Variants in KCNIP4 observed in about 807,000 individuals in gnomAD.
KCNIP4 encodes the protein potassium voltage-gated channel interacting protein 4.
KCNIP4 carries 12 observed loss-of-function variants against 34.0 expected under a neutral mutation model. The ratio of observed to expected loss-of-function variants is 0.35; its 90% CI spans 0.23 to 0.57. The LOEUF is 0.57. Among genes scored for constraint, KCNIP4 ranks in the 20% least tolerant of loss-of-function variants. KCNIP4 has a pLI of 0.83. For synonymous variants in KCNIP4, 124 were observed against 102.2 expected (o/e 1.21, Z -1.29); for missense variants, 238 against 311.7 (o/e 0.76, Z 1.78).
intron 3 of KCNIP4, among the ~76,000 whole-genome samples, chr4:20,787,345 T>C (rs1712140652): frequency 6.6e-6 from 1 of 152,198 alleles, no homozygotes; most frequent in African/African-American, 2.4e-5. Context: ...AATAGTTTAT[T>C]TGAGCACTTT....
rs561809200 is a variant in KCNIP4, at chr4:20,728,895, G to A, written c.*1187C>T. The A allele has an allele frequency of 6.6e-6, 1 of 151,036 alleles. No homozygotes were observed. The highest frequency in any genetic ancestry group is 1.9e-4 in the East Asian group (1 of 5,160). 9.4% of individuals were successfully genotyped at this position (151,036 alleles called of 1,614,324 possible). On this transcript the variant is annotated 3_prime_UTR_variant, in exon 9 of 9. Transcript: ENST00000382152. ...CGATGTGTGTGGCTTTAGTAATGTG[G>A]CAACTTTACAGTTTTGGCTAAGATG...
chr4:21,352,292 C>T lies in KCNIP4; in HGVS notation c.62-469583G>A, dbSNP rs760869992. On this transcript the variant is annotated intron_variant, in intron 1 of 8. Coordinates refer to ENST00000382152, the MANE Select transcript of KCNIP4 (RefSeq NM_025221.6). ...GGACTGGTTGGACAGTGGGTGTAGC[C>T]CACGGAGGGCAAGCCAAAGCAGGGT... 3.3e-5 allele frequency among the ~76,000 whole-genome samples: 5 copies of T among 152,206 alleles called. No individual in the cohort carries two copies. The South Asian group carries it at 6.2e-4, about 19-fold the overall frequency.
At chr4:21,402,879 AC>A (rs1322978300) in intron 1 of KCNIP4, among the ~76,000 whole-genome samples, 1 of 152,172 alleles carries the variant, frequency 6.6e-6, no homozygotes, top group Non-Finnish European at 1.5e-5. Flanking sequence ...TTTAAAAAAA[AC>A]AAAAGACTTC....
intron 1 of KCNIP4, among the ~76,000 whole-genome samples, chr4:21,307,398 A>G (rs1025817092): frequency 1.2e-4 from 18 of 152,162 alleles, no homozygotes; most frequent in Non-Finnish European, 1.3e-4. Flanking sequence ...TGTACTATAT[A>G]GAAAAACCTC....
In KCNIP4 at chr4:20,739,386, C is replaced by T. The variant is rs183060933; in HGVS notation, c.430-4651G>A. ...AGGTGCCCCTCTAAGACAAAGCTTC[C>T]AGAGGAAGGATCAGGCAGCAACATG... On this transcript the variant is annotated intron_variant, in intron 5 of 8. Transcript: ENST00000382152. 3.9e-3 allele frequency among the ~76,000 whole-genome samples: 599 copies of T among 152,264 alleles called. 6 individuals carry two copies. The highest frequency in any genetic ancestry group is 0.014 in the African/African-American group (562 of 41,552).
chr4:21,857,573 T>C (rs1578076954), intron 1 of KCNIP4, among the ~76,000 whole-genome samples: 1 of 152,078 alleles, frequency 6.6e-6, no homozygotes, highest in Non-Finnish European at 1.5e-5. Context: ...CACTCCAGGG[T>C]CACCTCTCTG....
chr4:21,676,114 T>G (rs1328914102), intron 1 of KCNIP4, among the ~76,000 whole-genome samples: 1 of 152,154 alleles, frequency 6.6e-6, no homozygotes, highest in East Asian at 1.9e-4. Flanking sequence ...GGGACTAGGG[T>G]GGAGCGTCAC....
At chr4:21,914,660 C>A (rs1728529265) in intron 1 of KCNIP4, among the ~76,000 whole-genome samples, 1 of 152,190 alleles carries the variant, frequency 6.6e-6, no homozygotes, top group African/African-American at 2.4e-5. Context: ...ACTTCATCAC[C>A]TGCTCCTCTC....
intron 1 of KCNIP4, among the ~76,000 whole-genome samples, chr4:21,915,881 T>C (rs1045268113): frequency 7.2e-5 from 11 of 152,212 alleles, no homozygotes; most frequent in African/African-American, 2.4e-4. Flanking sequence ...TGGCCCTTTC[T>C]GCCCTTTGTA....
intron 5 of KCNIP4, among the ~76,000 whole-genome samples, chr4:20,748,727 A>G (rs1752972592): frequency 6.7e-6 from 1 of 149,952 alleles, no homozygotes; most frequent in African/African-American, 2.4e-5. Flanking sequence ...TAAATGAGGT[A>G]TACATTTCTC....
chr4:21,366,077 G>A (rs1231023976), intron 1 of KCNIP4, among the ~76,000 whole-genome samples: 2 of 152,126 alleles, frequency 1.3e-5, no homozygotes, highest in Admixed American at 1.3e-4. Context: ...TAGATTTAAG[G>A]CTTAGGAATT....
At chr4:21,343,060 A>G (rs896699954) in intron 1 of KCNIP4, among the ~76,000 whole-genome samples, 5 of 152,128 alleles carry the variant, frequency 3.3e-5, no homozygotes, top group African/African-American at 9.7e-5. Context: ...GTTTGGAACC[A>G]GCAACATAAG....
chr4:21,011,544 A>G (rs1011877905), intron 1 of KCNIP4, among the ~76,000 whole-genome samples: 5 of 152,212 alleles, frequency 3.3e-5, no homozygotes. Flanking sequence ...ATGATTACGT[A>G]TAATTTAAAT....
At chr4:21,109,353 G>A (rs1748924673) in intron 1 of KCNIP4, among the ~76,000 whole-genome samples, 1 of 152,252 alleles carries the variant, frequency 6.6e-6, no homozygotes, top group African/African-American at 2.4e-5. Context: ...TTTGATCTCA[G>A]ACTGCTGTGC....
chr4:21,112,776 T>C (rs1302553945), intron 1 of KCNIP4, among the ~76,000 whole-genome samples: 1 of 152,184 alleles, frequency 6.6e-6, no homozygotes, highest in African/African-American at 2.4e-5. Flanking sequence ...AGTGTATTTG[T>C]CTTAAATTGA....
chr4:21,822,869 C>G (rs1020392798), intron 1 of KCNIP4, among the ~76,000 whole-genome samples: 1 of 152,038 alleles, frequency 6.6e-6, no homozygotes, highest in African/African-American at 2.4e-5. Context: ...AGGTGCCCAC[C>G]ACCATGCCCA....
intron 1 of KCNIP4, among the ~76,000 whole-genome samples, chr4:20,949,186 C>T (rs1222011188): frequency 6.6e-6 from 1 of 152,152 alleles, no homozygotes; most frequent in Non-Finnish European, 1.5e-5. Context: ...GAGATTTAGG[C>T]CACTTTGAAA....
Position 21,621,365 on chromosome 4 carries a change from T to C in KCNIP4, c.61+327206A>G, listed in dbSNP as rs372116470. Reference sequence around the variant, plus strand: ...ATGTGTCATAATTTTGCCATCTTATTACTTATTTTTTCCTGAGATAGGGTC... The same window carrying C: ...ATGTGTCATAATTTTGCCATCTTATCACTTATTTTTTCCTGAGATAGGGTC... On this transcript the variant is annotated intron_variant, in intron 1 of 8. Transcript: ENST00000382152. Among the ~76,000 whole-genome samples the C allele has an allele frequency of 8.5e-5, 13 of 152,170 alleles. No homozygotes were observed. The East Asian group carries it at 1.5e-3, about 18-fold the overall frequency.
At chr4:21,142,526 C>T (rs1455312051) in intron 1 of KCNIP4, among the ~76,000 whole-genome samples, 1 of 152,126 alleles carries the variant, frequency 6.6e-6, no homozygotes, top group Non-Finnish European at 1.5e-5. Flanking sequence ...CTCTAATCAT[C>T]AACTTGCTGC....
Sources: gnomAD v4.1 joint callset for allele counts (sites outside exome capture counted in the v4.1 genomes callset) on GRCh38, gnomAD v4.1.1 for gene constraint, MANE v1.5 for transcripts, NCBI Gene and HGNC (gene_info 2026-07-23, HGNC 2026-07-21) for gene names.